GK2: variants seen among roughly 807,000 people sequenced by gnomAD.
GK2 encodes glycerol kinase 2, also known as ATP:glycerol 3-phosphotransferase 2.
In GK2, 10 loss-of-function variants were observed where a neutral mutation model predicts 9.5. That is an observed-to-expected ratio of 1.05 (90% CI 0.65 to 1.78). GK2 has a LOEUF of 1.78. GK2 is among the 40% of genes most tolerant of loss of function. The pLI is 0.00. For missense variants in GK2, 643 were observed against 669.0 expected, an observed-to-expected ratio of 0.96 and a Z score of 0.43; for synonymous variants, 228 against 229.9, an observed-to-expected ratio of 0.99 and a Z score of 0.07.
In GK2 at chr4:79,407,737, C is replaced by T. The variant is rs147498656; in HGVS notation, c.464G>A (p.Arg155His). Reference protein sequence around the residue: ...LSTYFSAVKLRWMLDNVRNVQ... With the variant: ...LSTYFSAVKLHWMLDNVRNVQ... ...GTTTCTCACATTGTCAAGCATCCAA[C>T]GAAGTTTTACTGCACTGAAGTAAGT... Residue 155 changes from arginine (R) to histidine (H), a missense_variant, in exon 1 of 1, where the codon CGT becomes CAT. Arg to His is a conservative substitution (Grantham distance 29). Coordinates refer to ENST00000358842, the MANE Select transcript of GK2 (RefSeq NM_033214.3). The T allele has an allele frequency of 1.5e-3, 2,347 of 1,614,134 alleles. 2 individuals are homozygous for T. The highest frequency in any genetic ancestry group is 1.8e-3 in the Non-Finnish European group (2,174 of 1,180,002).
At position 79,406,887 on chromosome 4, in the gene GK2, T is replaced by C. The variant is rs1725864388; in HGVS notation, c.1314A>G (p.Gln438=). The part of the protein sequence containing the change: ...MTNNKVLMQL[Q]ADILHIPVIK... ...TTACTGGAATATGAAGAATATCTGC[T>C]TGTAGCTGCATAAGAACTTTGTTGT... The change falls in exon 1 of 1, where the codon CAA becomes CAG. Residue 438 remains glutamine, a synonymous_variant. Coordinates refer to ENST00000358842, the MANE Select transcript of GK2 (RefSeq NM_033214.3). 6.2e-7 allele frequency: 1 copy of C among 1,614,214 alleles called. No homozygotes were observed. Among genetic ancestry groups the C allele is most frequent in the East Asian group, 2.2e-5 (1 of 44,888 alleles).
rs1560527395 is a variant in GK2, at chr4:79,408,213, T to A, written c.-13A>T. The A allele has an allele frequency of 6.4e-7, 1 of 1,563,740 alleles. No individual in the cohort carries two copies. Among genetic ancestry groups the A allele is most frequent in the Non-Finnish European group, 8.6e-7 (1 of 1,157,534 alleles). ...TTGGGGCTGCCATGACACCAGTAGG[T>A]CGGCTCAGCAGCTCTGGGACCGTTT... is the stretch of plus-strand genomic sequence containing the variant. On this transcript the variant is annotated 5_prime_UTR_variant, in exon 1 of 1. Coordinates refer to ENST00000358842, the MANE Select transcript of GK2 (RefSeq NM_033214.3).
rs1477240901 is a variant in GK2, at chr4:79,406,402, G to T, written c.*137C>A. ...CTTTATTTCAGGTCACAAGTCTAGG[G>T]TTTTCATGGGTCATGTAGCAAGTGG... On this transcript the variant is annotated 3_prime_UTR_variant, in exon 1 of 1. Transcript: ENST00000358842. 6.8e-6 allele frequency: 4 copies of T among 588,178 alleles called. No individual in the cohort carries two copies. Among genetic ancestry groups the T allele is most frequent in the Non-Finnish European group, 1.2e-5 (4 of 331,748 alleles). The allele number at this position is 588,178 out of a possible 1,614,324, so 36.4% of individuals were successfully genotyped here.
Position 79,407,519 on chromosome 4 carries a change from C to G in GK2, c.682G>C (p.Asp228His). The change falls in exon 1 of 1, where the codon GAC (aspartate) becomes CAC (histidine). Residue 228 changes from aspartate to histidine, a missense_variant. Physicochemically the swap from Asp to His is moderately conservative, Grantham distance 81. Transcript: ENST00000358842. The stretch of plus-strand genomic sequence containing the variant: ...GAACTGAAGACATTTGGAAGAAGGT[C>G]CATTGGAATTTCAAAAAAGTCACAG... The part of the protein sequence containing the change: ...ELCDFFEIPM[D>H]LLPNVFSSSE... 2 of 1,614,100 alleles carry G rather than the reference C, an allele frequency of 1.2e-6. No individual in the cohort carries two copies. The highest frequency in any genetic ancestry group is 4.5e-5 in the East Asian group (2 of 44,874).
In GK2 at chr4:79,407,429, C is replaced by T; in HGVS notation, c.772G>A (p.Gly258Arg). 6.2e-7 allele frequency: 1 copy of T among 1,614,158 alleles called. No homozygotes were observed. Among genetic ancestry groups the T allele is most frequent in the Middle Eastern group, 1.6e-4 (1 of 6,062 alleles). ...CCTACTAATGCAGCACATTGGTCCC[C>T]CAAACACCCAGATATTGGCACACCT... Reference protein sequence around the residue: ...LEGVPISGCLGDQCAALVGQM... With the variant: ...LEGVPISGCLRDQCAALVGQM... The change falls in exon 1 of 1, where the codon GGG becomes AGG. Residue 258 changes from glycine (G) to arginine (R), a missense_variant. Coordinates refer to ENST00000358842, the MANE Select transcript of GK2 (RefSeq NM_033214.3).
At position 79,407,253 on chromosome 4, in the gene GK2, A is replaced by C. The variant is rs746864179; in HGVS notation, c.948T>G (p.Tyr316Ter). ...CTATAGCAACAGAACCTTCCAGTGC[A>C]TAATATGCTGGCTTCTCTCTGCCTA... ...YKLGREKPAYYALEGSVAIAG... is the reference protein window; with the variant it reads ...YKLGREKPAY The change falls in exon 1 of 1, where the codon TAT (tyrosine) becomes TAG (stop). Residue 316 changes from tyrosine to a stop codon, truncating the protein, a stop_gained. Coordinates refer to ENST00000358842, the MANE Select transcript of GK2 (RefSeq NM_033214.3). LOFTEE classifies it high-confidence loss of function. 2.5e-6 allele frequency: 4 copies of C among 1,614,240 alleles called. No homozygotes were observed. In the Admixed American group the frequency reaches 6.7e-5, roughly 27 times the overall value.
In GK2 at chr4:79,407,764, C is replaced by CT. The variant is rs1725888240; in HGVS notation, c.436dup (p.Ser146LysfsTer14). On this transcript the variant is annotated frameshift_variant, in exon 1 of 1. Coordinates refer to ENST00000358842, the MANE Select transcript of GK2 (RefSeq NM_033214.3). LOFTEE classifies it high-confidence loss of function. The stretch of plus-strand genomic sequence containing the variant: ...AAGTTTTACTGCACTGAAGTAAGTG[C>CT]TGAGTGGAAGGCCTGTCTTAGACTT... 6.2e-7 allele frequency: 1 copy of CT among 1,614,138 alleles called. No homozygotes were observed. The highest frequency in any genetic ancestry group is 8.5e-7 in the Non-Finnish European group (1 of 1,180,006).
Position 79,407,257 on chromosome 4 carries a change from T to C in GK2, c.944A>G (p.Tyr315Cys). The C allele has an allele frequency of 6.2e-7, 1 of 1,614,214 alleles. No individual in the cohort carries two copies. Among genetic ancestry groups the C allele is most frequent in the Non-Finnish European group, 8.5e-7 (1 of 1,180,028 alleles). Residue 315 changes from tyrosine to cysteine, a missense_variant, in exon 1 of 1, where the codon TAT (tyrosine) becomes TGT (cysteine). Physicochemically the swap from Tyr to Cys is radical, Grantham distance 194 (BLOSUM62 -2). Transcript: ENST00000358842. Reference protein sequence around the residue: ...AYKLGREKPAYYALEGSVAIA... With the variant: ...AYKLGREKPACYALEGSVAIA... ...AGCAACAGAACCTTCCAGTGCATAA[T>C]ATGCTGGCTTCTCTCTGCCTAGTTT...
rs1725849715 is a variant in GK2 at position 79,406,409 on chromosome 4, T to C, written c.*130A>G. ...TCAGGTCACAAGTCTAGGGTTTTCA[T>C]GGGTCATGTAGCAAGTGGTTTATAA... is the stretch of plus-strand genomic sequence containing the variant. On this transcript the variant is annotated 3_prime_UTR_variant, in exon 1 of 1. Transcript: ENST00000358842. 3.3e-6 allele frequency: 2 copies of C among 598,734 alleles called. No individual in the cohort carries two copies. Among genetic ancestry groups the C allele is most frequent in the African/African-American group, 1.9e-5 (1 of 53,666 alleles). The allele number at this position is 598,734 out of a possible 1,614,324, so 37.1% of individuals were successfully genotyped here. A position where few individuals can be genotyped will look rare whatever the true frequency, so the allele number is the denominator to read the frequency against.
rs1323357308 is a variant in GK2, at chr4:79,406,748, C to A, written c.1453G>T (p.Glu485Ter). 6.2e-7 allele frequency: 1 copy of A among 1,614,176 alleles called. No homozygotes were observed. Among genetic ancestry groups the A allele is most frequent in the South Asian group, 1.1e-5 (1 of 91,080 alleles). The change falls in exon 1 of 1, where the codon GAA (glutamate) becomes TAA (stop). Residue 485 changes from glutamate (E) to a stop codon, truncating the protein, a stop_gained. Transcript: ENST00000358842. LOFTEE classifies it low-confidence loss of function (END_TRUNC). ...GCCTGGATCTGTGGTTCAAATCGTT[C>A]CATCCTGAGAACTGACAAAGCCTGG... is the stretch of plus-strand genomic sequence containing the variant. ...EPQALSVLRM[E>*]RFEPQIQATE...
In GK2 at chr4:79,408,227, C is replaced by T. The variant is rs1725900014; in HGVS notation, c.-27G>A. Reference sequence around the variant, plus strand: ...ACACCAGTAGGTCGGCTCAGCAGCTCTGGGACCGTTTCCCAGGCCACGGCG... The same window carrying T: ...ACACCAGTAGGTCGGCTCAGCAGCTTTGGGACCGTTTCCCAGGCCACGGCG... On this transcript the variant is annotated 5_prime_UTR_variant, in exon 1 of 1. Transcript: ENST00000358842. 6.6e-7 allele frequency: 1 copy of T among 1,520,506 alleles called. No individual in the cohort carries two copies. Among genetic ancestry groups the T allele is most frequent in the Non-Finnish European group, 8.8e-7 (1 of 1,133,770 alleles). The allele number at this position is 1,520,506 out of a possible 1,614,324, so 94.2% of individuals were successfully genotyped here. A position where few individuals can be genotyped will look rare whatever the true frequency, so the allele number is the denominator to read the frequency against.
Position 79,407,601 on chromosome 4 carries a change from T to C in GK2, c.600A>G (p.Thr200=). Residue 200 remains threonine (T), a synonymous_variant, in exon 1 of 1, where the codon ACA becomes ACG. Coordinates refer to ENST00000358842, the MANE Select transcript of GK2 (RefSeq NM_033214.3). ...TAAAAAGCATTGTCCTACTTGCATT[T>C]GTTACATCTGTACAATGCACGCCTC... ...VNGGVHCTDV[T]NASRTMLFNI... 3.1e-6 allele frequency: 5 copies of C among 1,613,888 alleles called. No homozygotes were observed. The highest frequency in any genetic ancestry group is 4.2e-6 in the Non-Finnish European group (5 of 1,179,760).
At position 79,406,989 on chromosome 4, in the gene GK2, G is replaced by A; in HGVS notation, c.1212C>T (p.Thr404=). The A allele has an allele frequency of 6.2e-7, 1 of 1,614,092 alleles. No homozygotes were observed. The change falls in exon 1 of 1, where the codon ACC becomes ACT. Residue 404 remains threonine (T), a synonymous_variant. Transcript: ENST00000358842. ...GGTTCATGGCTTCCAAAATCTCTCG[G>A]GTTTGGAAACAAACAGCTTCTAATG... ...FAALEAVCFQ[T]REILEAMNRD... is the part of the protein sequence containing the mutation.
In GK2 at chr4:79,406,467, T is replaced by C; in HGVS notation, c.*72A>G. The C allele has an allele frequency of 1.1e-6, 1 of 889,202 alleles. No individual in the cohort carries two copies. The allele number at this position is 889,202 out of a possible 1,614,324, so 55.1% of individuals were successfully genotyped here. A position where few individuals can be genotyped will look rare whatever the true frequency, so the allele number is the denominator to read the frequency against. ...CAGAGTCTATAATAGTGTCATTATA[T>C]TAAGAGGCAGAACTGCTATATGCTT... On this transcript the variant is annotated 3_prime_UTR_variant, in exon 1 of 1. Coordinates refer to ENST00000358842, the MANE Select transcript of GK2 (RefSeq NM_033214.3).
Position 79,406,879 on chromosome 4 carries a change from A to G in GK2, c.1322T>C (p.Ile441Thr), listed in dbSNP as rs759340151. The change falls in exon 1 of 1, where the codon ATT becomes ACT. Residue 441 changes from isoleucine (I) to threonine (T), a missense_variant. Coordinates refer to ENST00000358842, the MANE Select transcript of GK2 (RefSeq NM_033214.3). ...GGGTTTTATTACTGGAATATGAAGAATATCTGCTTGTAGCTGCATAAGAAC... is the reference window on the plus strand; with the variant it reads ...GGGTTTTATTACTGGAATATGAAGAGTATCTGCTTGTAGCTGCATAAGAAC... ...NKVLMQLQAD[I>T]LHIPVIKPFM... is the part of the protein sequence containing the mutation. 9.3e-5 allele frequency: 150 copies of G among 1,614,102 alleles called. No individual in the cohort carries two copies. Among genetic ancestry groups the G allele is most frequent in the Non-Finnish European group, 1.3e-4 (148 of 1,180,036 alleles).
At position 79,407,861 on chromosome 4, in the gene GK2, A is replaced by C. The variant is rs765253708; in HGVS notation, c.340T>G (p.Trp114Gly). Residue 114 changes from tryptophan (W) to glycine (G), a missense_variant, in exon 1 of 1, where the codon TGG becomes GGG. Trp to Gly is a radical substitution (Grantham distance 184). Transcript: ENST00000358842. ...GTAGTCTGGGTTCTTAGATCAAGCC[A>C]CACCACAGCATTGTAGAGAGGCTCT... ...TGEPLYNAVV[W>G]LDLRTQTTVE... The C allele has an allele frequency of 6.2e-7, 1 of 1,614,112 alleles. No homozygotes were observed. Among genetic ancestry groups the C allele is most frequent in the Non-Finnish European group, 8.5e-7 (1 of 1,179,952 alleles).
Position 79,407,902 on chromosome 4 carries a change from C to T in GK2, c.299G>A (p.Trp100Ter). Residue 100 changes from tryptophan (W) to a stop codon, truncating the protein, a stop_gained, in exon 1 of 1, where the codon TGG (tryptophan) becomes TAG (stop). Coordinates refer to ENST00000358842, the MANE Select transcript of GK2 (RefSeq NM_033214.3). LOFTEE classifies it low-confidence loss of function (END_TRUNC). Reference protein sequence around the residue: ...VSNQRETTVIWDKLTGEPLYN... With the variant: ...VSNQRETTVI ...GAGAGGCTCTCCTGTTAACTTGTCC[C>T]AGATTACAGTGGTTTCCCTCTGATT... 1 of 1,614,150 alleles carries T rather than the reference C, an allele frequency of 6.2e-7. No individual in the cohort carries two copies. The highest frequency in any genetic ancestry group is 1.3e-5 in the African/African-American group (1 of 75,036).
chr4:79,408,065 CTTGTG>C lies in GK2; in HGVS notation c.131_135del (p.Thr44ArgfsTer13). 6.2e-7 allele frequency: 1 copy of C among 1,614,208 alleles called. No individual in the cohort carries two copies. The highest frequency in any genetic ancestry group is 8.5e-7 in the Non-Finnish European group (1 of 1,180,026). Reference sequence around the variant, plus strand: ...TCCACCCATCCTTCTTTTGGGAACTCTTGTGTTAATTCCACTTTGTGATGACTAAG... The same window carrying C: ...TCCACCCATCCTTCTTTTGGGAACTCTTAATTCCACTTTGTGATGACTAAG... On this transcript the variant is annotated frameshift_variant, in exon 1 of 1. Transcript: ENST00000358842. LOFTEE classifies it low-confidence loss of function (END_TRUNC).
In GK2 at chr4:79,406,625, T is replaced by C. The variant is rs1204132974; in HGVS notation, c.1576A>G (p.Ile526Val). The change falls in exon 1 of 1, where the codon ATC becomes GTC. Residue 526 changes from isoleucine to valine, a missense_variant. Ile to Val is a conservative substitution (Grantham distance 29). Coordinates refer to ENST00000358842, the MANE Select transcript of GK2 (RefSeq NM_033214.3). ...SQSPEGGDPSIFSSLPLGFFI... is the reference protein window; with the variant it reads ...SQSPEGGDPSVFSSLPLGFFI... ...AATCCCAAAGGCAGACTAGAGAAGA[T>C]AGAAGGATCACCACCTTCAGGAGAC... The C allele has an allele frequency of 7.4e-6, 12 of 1,613,850 alleles. No homozygotes were observed. In the East Asian group the frequency reaches 2.5e-4, roughly 33 times the overall value.
Sources: allele counts gnomAD v4.1 joint callset, GRCh38; gene constraint gnomAD v4.1.1; transcripts MANE v1.5; gene names NCBI Gene and HGNC (gene_info 2026-07-23, HGNC 2026-07-21).